Variants in RBFOX1 observed in about 807,000 individuals in gnomAD.
RBFOX1 encodes RNA binding protein fox-1 homolog 1.
In RBFOX1, 8 loss-of-function variants were observed where a neutral mutation model predicts 57.7. That is an observed-to-expected ratio of 0.14 (90% CI 0.08 to 0.25). The LOEUF (loss-of-function observed/expected upper bound fraction) is 0.25. Among genes scored for constraint, RBFOX1 ranks in the 10% least tolerant of loss-of-function variants. The pLI is 1.00. For missense variants in RBFOX1, 611 were observed against 548.5 expected (o/e 1.11, Z -1.14); for synonymous variants, 326 against 222.4 (o/e 1.47, Z -4.15).
At chr16:7,161,074 C>T (rs1414264029) in intron 4 of RBFOX1, among the ~76,000 whole-genome samples, 1 of 152,126 alleles carries the variant, frequency 6.6e-6, no homozygotes, top group Non-Finnish European at 1.5e-5. Context: ...AGATGACTAC[C>T]TTTCATCATA....
At chr16:5,528,453 G>A (rs992701969) in intron 2 of RBFOX1, among the ~76,000 whole-genome samples, 6 of 151,998 alleles carry the variant, frequency 3.9e-5, no homozygotes, top group Admixed American at 2.0e-4. Context: ...AGCAGACCAC[G>A]TTGTTGCCTG....
intron 4 of RBFOX1, among the ~76,000 whole-genome samples, chr16:5,875,847 T>A (rs2057594583): frequency 1.0e-5 from 1 of 100,312 alleles, no homozygotes; most frequent in South Asian, 3.0e-4. Flanking sequence ...AGAATCCCAC[T>A]TTTTTTTTTT....
intron 5 of RBFOX1, among the ~76,000 whole-genome samples, chr16:7,568,881 TCAAAAAAAA>T (rs1240545350): frequency 3.3e-5 from 1 of 30,642 alleles, no homozygotes; most frequent in Non-Finnish European, 1.0e-4. Flanking sequence ...AGACTCTGTC[TCAAAAAAAA>T]AAAAAAAAAA....
chr16:6,904,626 A>G (rs867448812), intron 3 of RBFOX1, among the ~76,000 whole-genome samples: 17 of 149,642 alleles, frequency 1.1e-4, no homozygotes, highest in East Asian at 5.8e-4. Context: ...AAAAAAAAAA[A>G]AAGAAGAAGA....
rs71142624 is a variant in RBFOX1, at chr16:5,485,345, C to CAAA, written c.258+18112_258+18114dup. Reference sequence around the variant, plus strand: ...TGGGCGACAGAGCCAGACTCCGTGTCAAAAAAAAAAAAAAAAAAAAAAAGT... The same window carrying CAAA: ...TGGGCGACAGAGCCAGACTCCGTGTCAAAAAAAAAAAAAAAAAAAAAAAAAAGT... On this transcript the variant is annotated intron_variant, in intron 2 of 2. Coordinates refer to the RBFOX1 transcript ENST00000585867. Among the ~76,000 whole-genome samples, 375 of 51,356 alleles carry CAAA rather than the reference C, an allele frequency of 7.3e-3. 12 individuals carry two copies. The highest frequency in any genetic ancestry group is 0.021 in the African/African-American group (307 of 14,412). 33.7% of individuals were successfully genotyped at this position (51,356 alleles called of 152,430 possible).
intron 4 of RBFOX1, among the ~76,000 whole-genome samples, chr16:5,915,743 A>G (rs2058691434): frequency 6.6e-6 from 1 of 152,052 alleles, no homozygotes; most frequent in South Asian, 2.1e-4. Flanking sequence ...GAGGCGCGAA[A>G]ATTGCTTGAA....
intron 3 of RBFOX1, among the ~76,000 whole-genome samples, chr16:6,671,834 C>T (rs559013839): frequency 4.3e-4 from 65 of 152,256 alleles, no homozygotes; most frequent in Middle Eastern, 6.8e-3. Context: ...ATCGAATCAG[C>T]GTATCCCAGT....
intron 3 of RBFOX1, among the ~76,000 whole-genome samples, chr16:7,016,475 G>A (rs879929063): frequency 3.9e-5 from 6 of 152,150 alleles, no homozygotes; most frequent in Admixed American, 6.5e-5. Context: ...CGTAACCTAA[G>A]TCACTGAACT....
At chr16:5,624,051 G>T (rs1023437585) in intron 3 of RBFOX1, among the ~76,000 whole-genome samples, 8 of 152,222 alleles carry the variant, frequency 5.3e-5, no homozygotes, top group African/African-American at 1.9e-4. Flanking sequence ...GGCAGATGGT[G>T]TCCACCCCAT....
intron 3 of RBFOX1, among the ~76,000 whole-genome samples, chr16:6,769,293 A>G (rs902365351): frequency 6.6e-6 from 1 of 152,130 alleles, no homozygotes; most frequent in Non-Finnish European, 1.5e-5. Flanking sequence ...GCCTTCCACC[A>G]TGACTGTGTG....
intron 1 of RBFOX1, among the ~76,000 whole-genome samples, chr16:5,459,467 G>C (rs1467976834): frequency 6.6e-6 from 1 of 151,974 alleles, no homozygotes; most frequent in Non-Finnish European, 1.5e-5. Flanking sequence ...CTTCCGTTTA[G>C]ACCTCCTCTC....
At chr16:5,346,255 CAG>C (rs1245960755) in intron 1 of RBFOX1, among the ~76,000 whole-genome samples, 1 of 152,148 alleles carries the variant, frequency 6.6e-6, no homozygotes, top group African/African-American at 2.4e-5. Context: ...AGTTATAAGA[CAG>C]GGAATAAAAA....
upstream of RBFOX1, among the ~76,000 whole-genome samples, chr16:6,016,086 C>T (rs1366816132): frequency 6.6e-6 from 1 of 152,216 alleles, no homozygotes; most frequent in Non-Finnish European, 1.5e-5. Context: ...GTTCACCTAT[C>T]ATTTATTGAG....
At chr16:5,436,654 A>G (rs1350315900) in intron 1 of RBFOX1, among the ~76,000 whole-genome samples, 1 of 152,126 alleles carries the variant, frequency 6.6e-6, no homozygotes, top group Non-Finnish European at 1.5e-5. Flanking sequence ...TCTGGCCAAC[A>G]TGGTGAAACC....
chr16:6,431,904 T>TTTG (rs1567258121), intron 2 of RBFOX1, among the ~76,000 whole-genome samples: 1 of 83,488 alleles, frequency 1.2e-5, no homozygotes, highest in African/African-American at 4.4e-5. Flanking sequence ...TTGCTTTCTT[T>TTTG]CTTTCTTTCT....
chr16:5,383,685 G>A (rs35168106), intron 1 of RBFOX1, among the ~76,000 whole-genome samples: 44,089 of 151,982 alleles, frequency 0.29, 7,123 homozygotes, highest in Non-Finnish European at 0.36. Flanking sequence ...ATGTTTATAA[G>A]ATGTTTCACA....
intron 1 of RBFOX1, among the ~76,000 whole-genome samples, chr16:5,379,843 C>G (rs1386164398): frequency 2.0e-5 from 3 of 152,146 alleles, no homozygotes; most frequent in African/African-American, 4.8e-5. Flanking sequence ...TGATAGTACC[C>G]AAGTCATTAA....
intron 4 of RBFOX1, among the ~76,000 whole-genome samples, chr16:7,158,494 G>T (rs578130970): frequency 2.0e-5 from 3 of 152,178 alleles, no homozygotes; most frequent in Admixed American, 6.5e-5. Flanking sequence ...AGTTAAATTT[G>T]TACTCCTGTG....
intron 2 of RBFOX1, among the ~76,000 whole-genome samples, chr16:6,433,208 A>G (rs2094145178): frequency 6.6e-6 from 1 of 152,196 alleles, no homozygotes; most frequent in African/African-American, 2.4e-5. Flanking sequence ...GTGTAGGTAT[A>G]GCTGATGGGA....
Sources: allele counts gnomAD v4.1 joint callset (sites outside exome capture counted in the v4.1 genomes callset), GRCh38; gene constraint gnomAD v4.1.1; transcripts MANE v1.5; gene names NCBI Gene and HGNC (gene_info 2026-07-23, HGNC 2026-07-21).